NLGN1: variants seen among roughly 807,000 people sequenced by gnomAD.
NLGN1 encodes neuroligin 1.
A neutral mutation model predicts 65.5 loss-of-function variants in NLGN1; 12 were observed. That is an observed-to-expected ratio of 0.18 (90% CI 0.12 to 0.30). NLGN1 has a LOEUF of 0.30. NLGN1 is among the 10% of genes least tolerant of loss of function. The pLI is 1.00. For missense variants in NLGN1, 750 were observed against 1,007.1 expected (o/e 0.74, Z 3.46); for synonymous variants, 350 against 359.5 (o/e 0.97, Z 0.30).
At chr3:173,645,335 T>G (rs1359704134) in intron 3 of NLGN1, among the ~76,000 whole-genome samples, 1 of 152,226 alleles carries the variant, frequency 6.6e-6, no homozygotes, top group Non-Finnish European at 1.5e-5. Context: ...GCCCCCGTAG[T>G]GCTGGATTCC....
intron 4 of NLGN1, among the ~76,000 whole-genome samples, chr3:174,004,333 A>G (rs1272868233): frequency 6.6e-6 from 1 of 152,168 alleles, no homozygotes; most frequent in Non-Finnish European, 1.5e-5. Context: ...TTTGAAAGTA[A>G]AAGCCTGTTT....
chr3:173,732,760 G>GT (rs1773051444), intron 3 of NLGN1, among the ~76,000 whole-genome samples: 2 of 152,164 alleles, frequency 1.3e-5, no homozygotes, highest in African/African-American at 4.8e-5. Context: ...CTAAATTACA[G>GT]TGAGTCATTT....
At chr3:173,760,298 T>G (rs893125245) in intron 3 of NLGN1, among the ~76,000 whole-genome samples, 8 of 151,966 alleles carry the variant, frequency 5.3e-5, no homozygotes, top group Non-Finnish European at 7.4e-5. Context: ...TTTGTATGCT[T>G]CACAGTTTCT....
chr3:173,481,220 A>C (rs1177357435), intron 2 of NLGN1, among the ~76,000 whole-genome samples: 1 of 152,034 alleles, frequency 6.6e-6, no homozygotes, highest in Non-Finnish European at 1.5e-5. Context: ...TTTTGTCAGA[A>C]TTGACAGGAT....
chr3:173,646,686 CAA>C (rs1038710147), intron 3 of NLGN1, among the ~76,000 whole-genome samples: 15 of 151,784 alleles, frequency 9.9e-5, no homozygotes, highest in African/African-American at 3.6e-4. Flanking sequence ...AATATCAAAA[CAA>C]AGAGTTACAC....
At chr3:174,246,612 T>G (rs1743838550) in intron 4 of NLGN1, among the ~76,000 whole-genome samples, 1 of 152,150 alleles carries the variant, frequency 6.6e-6, no homozygotes, top group Admixed American at 6.5e-5. Flanking sequence ...GGAAATGAAG[T>G]CTCACTATGT....
intron 3 of NLGN1, among the ~76,000 whole-genome samples, chr3:173,734,017 A>G (rs752059831): frequency 1.2e-4 from 18 of 152,108 alleles, no homozygotes; most frequent in Non-Finnish European, 2.6e-4. Context: ...ATCTAGTGTT[A>G]CTTCTTTCTG....
intron 4 of NLGN1, among the ~76,000 whole-genome samples, chr3:173,942,109 G>GGTGT (rs1050946666): frequency 0.017 from 2,426 of 144,108 alleles, 48 homozygotes; most frequent in Admixed American, 0.065. Context: ...GGTGGTTGGG[G>GGTGT]GTGTGTGTGT....
chr3:173,805,674 T>C (rs1000768362), intron 3 of NLGN1, among the ~76,000 whole-genome samples: 2 of 152,208 alleles, frequency 1.3e-5, no homozygotes, highest in Admixed American at 6.5e-5. Flanking sequence ...AAAGAAGAAT[T>C]CTGAAACAGC....
intron 1 of NLGN1, among the ~76,000 whole-genome samples, chr3:173,415,941 A>AGCGCGC (rs148689348): frequency 2.9e-5 from 4 of 138,402 alleles, no homozygotes; most frequent in East Asian, 2.1e-4. Flanking sequence ...AGAGAGAGAG[A>AGCGCGC]GAGCTTGGTA....
intron 3 of NLGN1, among the ~76,000 whole-genome samples, chr3:173,746,228 G>A (rs191749685): frequency 1.3e-5 from 2 of 152,082 alleles, no homozygotes; most frequent in East Asian, 1.9e-4. Flanking sequence ...TGGAGTTCAA[G>A]ATCAGCCTGA....
At chr3:173,784,613 A>G (rs1306594319) in intron 3 of NLGN1, among the ~76,000 whole-genome samples, 1 of 152,172 alleles carries the variant, frequency 6.6e-6, no homozygotes, top group Non-Finnish European at 1.5e-5. Flanking sequence ...AGTGAGAAAC[A>G]GAGAGAGGAG....
chr3:173,801,511 A>C (rs982966769), intron 3 of NLGN1, among the ~76,000 whole-genome samples: 3 of 152,056 alleles, frequency 2.0e-5, no homozygotes. Flanking sequence ...TGGGTAAATA[A>C]ATTTTTACTA....
At chr3:173,519,724 T>C (rs1019390745) in intron 2 of NLGN1, among the ~76,000 whole-genome samples, 1 of 152,176 alleles carries the variant, frequency 6.6e-6, no homozygotes, top group Non-Finnish European at 1.5e-5. Flanking sequence ...TTTTTTTTAT[T>C]TTACACCCTT....
At chr3:173,599,086 A>G (rs1750011715) in intron 2 of NLGN1, among the ~76,000 whole-genome samples, 1 of 152,108 alleles carries the variant, frequency 6.6e-6, no homozygotes, top group African/African-American at 2.4e-5. Context: ...ATTTCCCTGG[A>G]TTCATGAACT....
At chr3:173,738,009 T>C (rs1426846662) in intron 3 of NLGN1, among the ~76,000 whole-genome samples, 1 of 152,090 alleles carries the variant, frequency 6.6e-6, no homozygotes, top group Non-Finnish European at 1.5e-5. Flanking sequence ...GCTAATGATG[T>C]TGAGAATCTT....
intron 1 of NLGN1, among the ~76,000 whole-genome samples, chr3:173,406,096 A>G (rs1236003460): frequency 6.6e-6 from 1 of 152,138 alleles, no homozygotes; most frequent in Non-Finnish European, 1.5e-5. Context: ...TTGTCCATAC[A>G]TATCTTACTT....
At chr3:174,110,877 A>T (rs1174264998) in intron 4 of NLGN1, among the ~76,000 whole-genome samples, 1 of 151,986 alleles carries the variant, frequency 6.6e-6, no homozygotes, top group Non-Finnish European at 1.5e-5. Context: ...AGCACTAGAT[A>T]AGAAATACGT....
At chr3:174,172,675 A>G (rs1219288739) in intron 4 of NLGN1, among the ~76,000 whole-genome samples, 1 of 152,074 alleles carries the variant, frequency 6.6e-6, no homozygotes. Context: ...TACTGGGTCT[A>G]TGTGTCTGTT....
Sources: gnomAD v4.1 joint callset for allele counts (sites outside exome capture counted in the v4.1 genomes callset) on GRCh38, gnomAD v4.1.1 for gene constraint, MANE v1.5 for transcripts, NCBI Gene and HGNC (gene_info 2026-07-23, HGNC 2026-07-21) for gene names.